ADCY9: variants seen among roughly 807,000 people sequenced by gnomAD.
ADCY9 encodes adenylate cyclase 9.
A neutral mutation model predicts 101.5 loss-of-function variants in ADCY9; 50 were observed. That is an observed-to-expected ratio of 0.49 (90% CI 0.39 to 0.62). The LOEUF is 0.62. Ranked by LOEUF, ADCY9 falls within the 20% of genes least tolerant of loss-of-function variation. The pLI is 0.00. For synonymous variants in ADCY9, 905 were observed against 769.3 expected (o/e 1.18, Z -2.92); for missense variants, 1,662 against 1,800.4 (o/e 0.92, Z 1.39).
intron 2 of ADCY9, among the ~76,000 whole-genome samples, chr16:4,025,899 T>C (rs915773862): frequency 6.6e-6 from 1 of 152,170 alleles, no homozygotes. Flanking sequence ...TTCAGGCTGG[T>C]GTAGAATCAC....
chr16:3,980,132 A>C lies in ADCY9; in HGVS notation c.2520-857T>G, dbSNP rs141339169. Among the ~76,000 whole-genome samples the C allele has an allele frequency of 1.4e-3, 216 of 152,374 alleles. 2 individuals are homozygous for C. In the East Asian group the frequency reaches 0.034, roughly 24 times the overall value. On this transcript the variant is annotated intron_variant, in intron 7 of 10. Coordinates refer to ENST00000294016, the MANE Select transcript of ADCY9 (RefSeq NM_001116.4). ...CTAGCTGGCGGCTTCAGGACTCTCC[A>C]GACAGCGGGGCTCTGTTGTACGTGA...
At chr16:4,013,341 A>T (rs2056416592) in intron 2 of ADCY9, among the ~76,000 whole-genome samples, 2 of 152,192 alleles carry the variant, frequency 1.3e-5, no homozygotes, top group South Asian at 4.1e-4. Context: ...GAATCGCTTA[A>T]ACTTGAGAGG....
chr16:3,967,899 T>C (rs955316905), intron 10 of ADCY9, among the ~76,000 whole-genome samples: 1 of 151,870 alleles, frequency 6.6e-6, no homozygotes, highest in Non-Finnish European at 1.5e-5. Flanking sequence ...GGTTTCATCA[T>C]GTTGGCCAGG....
At chr16:4,011,416 T>A (rs1220955861) in intron 2 of ADCY9, among the ~76,000 whole-genome samples, 2 of 152,034 alleles carry the variant, frequency 1.3e-5, no homozygotes, top group African/African-American at 4.8e-5. Context: ...ATAGGAGGCA[T>A]GAGGCGTAGG....
At chr16:4,050,307 G>T (rs1325096817) in intron 2 of ADCY9, among the ~76,000 whole-genome samples, 1 of 152,116 alleles carries the variant, frequency 6.6e-6, no homozygotes, top group Non-Finnish European at 1.5e-5. Context: ...GAGATGAATG[G>T]ATACATAGAT....
intron 3 of ADCY9, among the ~76,000 whole-genome samples, chr16:4,003,055 T>C (rs1274115738): frequency 1.3e-5 from 2 of 152,134 alleles, no homozygotes; most frequent in Non-Finnish European, 2.9e-5. Flanking sequence ...GAAAAGCTGT[T>C]TTTATTGATA....
downstream of ADCY9, among the ~76,000 whole-genome samples, chr16:3,961,882 C>G (rs1015729598): frequency 6.6e-6 from 1 of 151,966 alleles, no homozygotes; most frequent in Non-Finnish European, 1.5e-5. Flanking sequence ...GAAAATTACC[C>G]GGGTGTGGTG....
intron 3 of ADCY9, among the ~76,000 whole-genome samples, chr16:3,998,574 T>C (rs1027639276): frequency 2.0e-5 from 3 of 149,990 alleles, no homozygotes; most frequent in Non-Finnish European, 3.0e-5. Context: ...CCTGGCGTGG[T>C]GGTGCACACC....
rs767330823 is a variant in ADCY9, at chr16:3,983,292, G to A, written c.2459C>T (p.Ala820Val). The A allele has an allele frequency of 5.8e-6, 9 of 1,559,784 alleles. No individual in the cohort carries two copies. Among genetic ancestry groups the A allele is most frequent in the Middle Eastern group, 1.7e-4 (1 of 6,020 alleles). ...CAGGGCTGCACTGAAGACCGCCAGGGCGGCGGGCGGGGGAGGCACGGTGGC... is the reference window on the plus strand; with the variant it reads ...CAGGGCTGCACTGAAGACCGCCAGGACGGCGGGCGGGGGAGGCACGGTGGC... ...EAATVPPPPAALAVFSAALLL... is the reference protein window; with the variant it reads ...EAATVPPPPAVLAVFSAALLL... Residue 820 changes from alanine to valine, a missense_variant, in exon 7 of 11, where the codon GCC (alanine) becomes GTC (valine). By Grantham distance (64) the Ala-to-Val change is moderately conservative. Coordinates refer to ENST00000294016, the MANE Select transcript of ADCY9 (RefSeq NM_001116.4).
At chr16:4,095,358 G>A (rs768222272) in intron 2 of ADCY9, among the ~76,000 whole-genome samples, 1 of 151,768 alleles carries the variant, frequency 6.6e-6, no homozygotes, top group South Asian at 2.1e-4. Context: ...TTAATGTGGG[G>A]GACAACTAGA....
chr16:4,021,195 CT>C (rs1555509722), intron 2 of ADCY9, among the ~76,000 whole-genome samples: 1 of 152,246 alleles, frequency 6.6e-6, no homozygotes, highest in Non-Finnish European at 1.5e-5. Context: ...ATTAAACACA[CT>C]GCTGCACAAT....
At chr16:4,014,573 G>A (rs1376441913) in intron 2 of ADCY9, among the ~76,000 whole-genome samples, 1 of 151,602 alleles carries the variant, frequency 6.6e-6, no homozygotes. Flanking sequence ...TCAGCCTCCT[G>A]AGTAGCTGGA....
chr16:4,102,698 T>C (rs1567149269), intron 2 of ADCY9, among the ~76,000 whole-genome samples: 1 of 151,836 alleles, frequency 6.6e-6, no homozygotes, highest in Non-Finnish European at 1.5e-5. Context: ...GTACTGGGAT[T>C]ACAGGCGTGA....
chr16:4,082,124 C>T lies in ADCY9; in HGVS notation c.1693+31626G>A, dbSNP rs148371198. On this transcript the variant is annotated intron_variant, in intron 2 of 10. Coordinates refer to ENST00000294016, the MANE Select transcript of ADCY9 (RefSeq NM_001116.4). Reference sequence around the variant, plus strand: ...TGGGCAGTGGCTCACACCTGTAATCCCAGCACTTTGGGAGACTGAGGCAAG... The same window carrying T: ...TGGGCAGTGGCTCACACCTGTAATCTCAGCACTTTGGGAGACTGAGGCAAG... Among the ~76,000 whole-genome samples the T allele has an allele frequency of 8.8e-3, 1,346 of 152,118 alleles. 26 individuals carry two copies. Among genetic ancestry groups the T allele is most frequent in the African/African-American group, 0.031 (1,284 of 41,478 alleles).
chr16:4,018,035 T>C lies in ADCY9; in HGVS notation c.1694-10477A>G, dbSNP rs190855336. Among the ~76,000 whole-genome samples, 239 of 152,278 alleles carry C rather than the reference T, an allele frequency of 1.6e-3. 1 individual carries two copies. The highest frequency in any genetic ancestry group is 5.5e-3 in the African/African-American group (230 of 41,584). The stretch of plus-strand genomic sequence containing the variant: ...CCTGGAACACAGATGGGCCTTTTCA[T>C]CCAGGAGGAGATTTACTTGCAAAGG... On this transcript the variant is annotated intron_variant, in intron 2 of 10. Transcript: ENST00000294016.
chr16:4,086,636 C>CA (rs914972907), intron 2 of ADCY9, among the ~76,000 whole-genome samples: 1 of 151,904 alleles, frequency 6.6e-6, no homozygotes, highest in Non-Finnish European at 1.5e-5. Flanking sequence ...ATAATTAGCT[C>CA]AAAAAAATTG....
At chr16:3,995,541 G>T (rs1355392807) in intron 3 of ADCY9, among the ~76,000 whole-genome samples, 1 of 151,776 alleles carries the variant, frequency 6.6e-6, no homozygotes, top group East Asian at 1.9e-4. Context: ...GGTAACCTAG[G>T]AACCATCTAA....
Sources: gnomAD v4.1 joint callset for allele counts (sites outside exome capture counted in the v4.1 genomes callset) on GRCh38, gnomAD v4.1.1 for gene constraint, MANE v1.5 for transcripts, NCBI Gene and HGNC (gene_info 2026-07-23, HGNC 2026-07-21) for gene names.